The following OR4D9 variants were observed in gnomAD, a reference collection of about 807,000 sequenced individuals.
The protein encoded by OR4D9 is olfactory receptor 4D9.
OR4D9 carries 2 observed loss-of-function variants against 0.8 expected under a neutral mutation model. The observed-to-expected ratio is 2.58, with a 90% CI of 1.06 to 8.13. OR4D9 has a LOEUF of 8.13. Ranked by LOEUF, OR4D9 falls within the 30% of genes most tolerant of loss-of-function variation. The pLI, the probability that OR4D9 is intolerant of heterozygous loss-of-function variation, is 0.04. For missense variants in OR4D9, 399 were observed against 384.7 expected, an observed-to-expected ratio of 1.04 and a Z score of -0.31; for synonymous variants, 146 against 151.2, an observed-to-expected ratio of 0.97 and a Z score of 0.25.
At chr11:59,514,206 G>A (rs893488586) in intron 1 of OR4D9, among the ~76,000 whole-genome samples, 4 of 152,118 alleles carry the variant, frequency 2.6e-5, no homozygotes, top group African/African-American at 4.8e-5. Flanking sequence ...ATAGCAAAGT[G>A]GTTATACCAA....
chr11:59,514,834 G>T, intron 2 of OR4D9, 49 bp from the exon 3 acceptor site: 2 of 967,080 alleles, frequency 2.1e-6, no homozygotes, highest in Non-Finnish European at 3.2e-6. Flanking sequence ...GACAACACTA[G>T]ATTTTAGGAC....
rs116643910 is a variant in OR4D9, at chr11:59,515,135, T to G, written c.223T>G (p.Ser75Ala). ...GTCTATTCTTGACATCTGCTTTTCCTCCATCACAGCTCCTAAGGTCCTGAT... is the reference window on the plus strand; with the variant it reads ...GTCTATTCTTGACATCTGCTTTTCCGCCATCACAGCTCCTAAGGTCCTGAT... Reference protein sequence around the residue: ...NLSILDICFSSITAPKVLIDL... With the variant: ...NLSILDICFSAITAPKVLIDL... The change falls in exon 3 of 3, where the codon TCC (serine) becomes GCC (alanine). Residue 75 changes from serine to alanine, a missense_variant. Coordinates refer to ENST00000641962, the MANE Select transcript of OR4D9 (RefSeq NM_001004711.2). 2.8e-3 allele frequency: 4,576 copies of G among 1,614,116 alleles called. 106 individuals are homozygous for G. In the African/African-American group the frequency reaches 0.052, roughly 18 times the overall value.
Position 59,514,772 on chromosome 11 carries a change from T to C in OR4D9, c.-31+6T>C. 2 of 619,760 alleles carry C rather than the reference T, an allele frequency of 3.2e-6. No individual in the cohort carries two copies. Among genetic ancestry groups the C allele is most frequent in the Non-Finnish European group, 5.7e-6 (2 of 353,716 alleles). The allele number at this position is 619,760 out of a possible 1,614,324, so 38.4% of individuals were successfully genotyped here. The stretch of plus-strand genomic sequence containing the variant: ...CATACTGACTTGCAGACACAGTGAG[T>C]GCATAGGGAAAAGAGCTTCCTCCTA... On this transcript the variant is annotated splice_donor_region_variant and intron_variant, in intron 2 of 2. Coordinates refer to ENST00000641962, the MANE Select transcript of OR4D9 (RefSeq NM_001004711.2).
rs1384341958 is a variant in OR4D9 at position 59,516,051 on chromosome 11, C to T, written c.*194C>T. ...AGACAAAATCCACTCAAGTCTTTCC[C>T]TACTCACTTTCAATTATTCATTCCA... On this transcript the variant is annotated 3_prime_UTR_variant, in exon 3 of 3. Transcript: ENST00000641962. 1.3e-5 allele frequency: 7 copies of T among 543,296 alleles called. No individual in the cohort carries two copies. The highest frequency in any genetic ancestry group is 2.3e-5 in the Non-Finnish European group (7 of 309,956). 33.7% of individuals were successfully genotyped at this position (543,296 alleles called of 1,614,324 possible). A position where few individuals can be genotyped will look rare whatever the true frequency, so the allele number is the denominator to read the frequency against.
rs1192866867 is a variant in OR4D9, at chr11:59,519,323, C to G, written c.*3466C>G. The G allele has an allele frequency of 6.6e-6, 1 of 152,076 alleles. No individual in the cohort carries two copies. Among genetic ancestry groups the G allele is most frequent in the African/African-American group, 2.4e-5 (1 of 41,308 alleles). 9.4% of individuals were successfully genotyped at this position (152,076 alleles called of 1,614,324 possible). On this transcript the variant is annotated 3_prime_UTR_variant, in exon 3 of 3. Coordinates refer to ENST00000641962, the MANE Select transcript of OR4D9 (RefSeq NM_001004711.2). ...GAGCCATGAATGCCCCACCGTACTCCCACCTGGGCAAAAGAGTGAGACCCT... is the reference window on the plus strand; with the variant it reads ...GAGCCATGAATGCCCCACCGTACTCGCACCTGGGCAAAAGAGTGAGACCCT...
intron 1 of OR4D9, among the ~76,000 whole-genome samples, chr11:59,512,595 A>G (rs903215666): frequency 6.6e-6 from 1 of 151,614 alleles, no homozygotes; most frequent in African/African-American, 2.4e-5. Context: ...AGGTCCAGGC[A>G]GGTGGTTCAC....
At chr11:59,512,087 T>A (rs1590635812) in intron 1 of OR4D9, among the ~76,000 whole-genome samples, 1 of 152,212 alleles carries the variant, frequency 6.6e-6, no homozygotes, top group African/African-American at 2.4e-5. Context: ...AGGGATTCAA[T>A]CAAGAATAAG....
chr11:59,515,023 A>G lies in OR4D9; in HGVS notation c.111A>G (p.Thr37=), dbSNP rs142030077. The G allele has an allele frequency of 7.1e-4, 1,143 of 1,614,036 alleles. 6 individuals are homozygous for G. Among genetic ancestry groups the G allele is most frequent in the Non-Finnish European group, 4.0e-4 (472 of 1,179,950 alleles). ...CCTTCCTGTTTTTGGTGTACATGAC[A>G]ACTCTAATGGGAAACTTCCTCATCA... ...LFTFLFLVYM[T]TLMGNFLIMV... Residue 37 remains threonine (T), a synonymous_variant, in exon 3 of 3, where the codon ACA becomes ACG. Transcript: ENST00000641962.
chr11:59,515,934 C>T lies in OR4D9; in HGVS notation c.*77C>T. On this transcript the variant is annotated 3_prime_UTR_variant, in exon 3 of 3. Transcript: ENST00000641962. The stretch of plus-strand genomic sequence containing the variant: ...AAATGGGAAAGGAGCTTGTTCATGC[C>T]CAAAACAAAGAGATACCTATGGCCA... 1 of 1,103,510 alleles carries T rather than the reference C, an allele frequency of 9.1e-7. No individual in the cohort carries two copies. Among genetic ancestry groups the T allele is most frequent in the East Asian group, 2.5e-5 (1 of 39,272 alleles). The allele number at this position is 1,103,510 out of a possible 1,614,324, so 68.4% of individuals were successfully genotyped here.
At chr11:59,512,285 T>A (rs926159293) in intron 1 of OR4D9, among the ~76,000 whole-genome samples, 1 of 147,292 alleles carries the variant, frequency 6.8e-6, no homozygotes, top group African/African-American at 2.5e-5. Flanking sequence ...TTTGGGATGA[T>A]TTTTTTTCTT....
chr11:59,515,751 C>T lies in OR4D9; in HGVS notation c.839C>T (p.Pro280Leu). The T allele has an allele frequency of 1.9e-6, 3 of 1,614,146 alleles. No individual in the cohort carries two copies. The highest frequency in any genetic ancestry group is 2.5e-6 in the Non-Finnish European group (3 of 1,180,030). ...TCTGTCACCTTCACTGTCATCTCCC[C>T]TTTGCTCAATCCTATAATTTACACG... The part of the protein sequence containing the change: ...AISVTFTVIS[P>L]LLNPIIYTLR... Residue 280 changes from proline (P) to leucine (L), a missense_variant, in exon 3 of 3, where the codon CCT (proline) becomes CTT (leucine). Pro to Leu is a moderately conservative substitution (Grantham distance 98, BLOSUM62 -3). Coordinates refer to ENST00000641962, the MANE Select transcript of OR4D9 (RefSeq NM_001004711.2).
At position 59,518,199 on chromosome 11, in the gene OR4D9, C is replaced by G. The variant is rs1859429142; in HGVS notation, c.*2342C>G. ...TCTATTGACTTCACCATACTGTGTT[C>G]CCCACTATGATAAAGCTCAAGCCAT... On this transcript the variant is annotated 3_prime_UTR_variant, in exon 3 of 3. Coordinates refer to ENST00000641962, the MANE Select transcript of OR4D9 (RefSeq NM_001004711.2). 1 of 152,230 alleles carries G rather than the reference C, an allele frequency of 6.6e-6. No individual in the cohort carries two copies. Among genetic ancestry groups the G allele is most frequent in the Non-Finnish European group, 1.5e-5 (1 of 68,050 alleles). 9.4% of individuals were successfully genotyped at this position (152,230 alleles called of 1,614,324 possible).
Position 59,516,906 on chromosome 11 carries a change from A to C in OR4D9, c.*1049A>C, listed in dbSNP as rs920091904. 1.3e-5 allele frequency: 2 copies of C among 152,186 alleles called. No homozygotes were observed. Among genetic ancestry groups the C allele is most frequent in the African/African-American group, 4.8e-5 (2 of 41,422 alleles). 9.4% of individuals were successfully genotyped at this position (152,186 alleles called of 1,614,324 possible). On this transcript the variant is annotated 3_prime_UTR_variant, in exon 3 of 3. Coordinates refer to ENST00000641962, the MANE Select transcript of OR4D9 (RefSeq NM_001004711.2). ...TGGTGAAAGCCCATCTCTACTAAAAATACAAAAACAAAATTAGCCAGGCTT... is the reference window on the plus strand; with the variant it reads ...TGGTGAAAGCCCATCTCTACTAAAACTACAAAAACAAAATTAGCCAGGCTT...
At position 59,519,397 on chromosome 11, in the gene OR4D9, C is replaced by G. The variant is rs1859446808; in HGVS notation, c.*3540C>G. On this transcript the variant is annotated 3_prime_UTR_variant, in exon 3 of 3. Coordinates refer to ENST00000641962, the MANE Select transcript of OR4D9 (RefSeq NM_001004711.2). ...AGTTTGCTGGAAAGGCAACTAGACCCTTAGAACACACAGAGAGCCAAACCG... is the reference window on the plus strand; with the variant it reads ...AGTTTGCTGGAAAGGCAACTAGACCGTTAGAACACACAGAGAGCCAAACCG... 1 of 152,024 alleles carries G rather than the reference C, an allele frequency of 6.6e-6. No homozygotes were observed. The highest frequency in any genetic ancestry group is 1.5e-5 in the Non-Finnish European group (1 of 68,120). The allele number at this position is 152,024 out of a possible 1,614,324, so 9.4% of individuals were successfully genotyped here.
At position 59,515,487 on chromosome 11, in the gene OR4D9, C is replaced by T. The variant is rs113146895; in HGVS notation, c.575C>T (p.Thr192Ile). Residue 192 changes from threonine to isoleucine, a missense_variant, in exon 3 of 3, where the codon ACC becomes ATC. By Grantham distance (89) the Thr-to-Ile change is moderately conservative. Transcript: ENST00000641962. ...PQVLKLACTD[T>I]FTLELLMISN... ...GTCCTCAAACTTGCCTGCACTGACA[C>T]CTTCACTCTGGAGCTCCTGATGATT... The T allele has an allele frequency of 1.2e-6, 2 of 1,614,128 alleles. No homozygotes were observed. The highest frequency in any genetic ancestry group is 8.5e-7 in the Non-Finnish European group (1 of 1,180,010).
Position 59,515,644 on chromosome 11 carries a change from C to G in OR4D9, c.732C>G (p.Ile244Met), listed in dbSNP as rs1859395088. Residue 244 changes from isoleucine to methionine, a missense_variant, in exon 3 of 3, where the codon ATC becomes ATG. Ile to Met is a conservative substitution (Grantham distance 10). Transcript: ENST00000641962. ...CCATCTCCACCTGCACCTCCCACAT[C>G]ACCGTGGTGACCCTGCATTTCGTGC... is the stretch of plus-strand genomic sequence containing the variant. ...RKAISTCTSH[I>M]TVVTLHFVPC... is the part of the protein sequence containing the mutation. 6.2e-7 allele frequency: 1 copy of G among 1,614,064 alleles called. No individual in the cohort carries two copies. The highest frequency in any genetic ancestry group is 1.3e-5 in the African/African-American group (1 of 74,908).
At position 59,515,246 on chromosome 11, in the gene OR4D9, G is replaced by T. The variant is rs201267082; in HGVS notation, c.334G>T (p.Val112Phe). The change falls in exon 3 of 3, where the codon GTT (valine) becomes TTT (phenylalanine). Residue 112 changes from valine to phenylalanine, a missense_variant. Val to Phe is a conservative substitution (Grantham distance 50). Coordinates refer to ENST00000641962, the MANE Select transcript of OR4D9 (RefSeq NM_001004711.2). ...FFFHLLGGAD[V>F]FSLSVMAFDR... ...CTTCCACCTTCTGGGGGGAGCAGACGTTTTTTCTCTCTCTGTGATGGCGTT... is the reference window on the plus strand; with the variant it reads ...CTTCCACCTTCTGGGGGGAGCAGACTTTTTTTCTCTCTCTGTGATGGCGTT... 2 of 1,613,332 alleles carry T rather than the reference G, an allele frequency of 1.2e-6. No homozygotes were observed. The highest frequency in any genetic ancestry group is 1.7e-5 in the Admixed American group (1 of 59,828).
intron 1 of OR4D9, among the ~76,000 whole-genome samples, chr11:59,513,956 G>A (rs1859365712): frequency 6.6e-6 from 1 of 152,134 alleles, no homozygotes; most frequent in Admixed American, 6.5e-5. Context: ...GGGCGACAGA[G>A]TGAGACCCTG....
chr11:59,514,971 C>T lies in OR4D9; in HGVS notation c.59C>T (p.Ser20Phe), dbSNP rs752323200. The T allele has an allele frequency of 5.6e-6, 9 of 1,613,742 alleles. No homozygotes were observed. The Admixed American group carries it at 1.2e-4, about 21-fold the overall frequency. ...TTTACCTTCCTGGGAATTACTCAGTCCCGAGAACTGAGCCAGGTCTTATTT... is the reference window on the plus strand; with the variant it reads ...TTTACCTTCCTGGGAATTACTCAGTTCCGAGAACTGAGCCAGGTCTTATTT... ...KEFTFLGITQ[S>F]RELSQVLFTF... The change falls in exon 3 of 3, where the codon TCC (serine) becomes TTC (phenylalanine). Residue 20 changes from serine (S) to phenylalanine (F), a missense_variant. Ser to Phe is a radical substitution (Grantham distance 155, BLOSUM62 -2). Transcript: ENST00000641962.
Sources: gnomAD v4.1 joint callset for allele counts (sites outside exome capture counted in the v4.1 genomes callset) on GRCh38, gnomAD v4.1.1 for gene constraint, MANE v1.5 for transcripts, NCBI Gene and HGNC (gene_info 2026-07-23, HGNC 2026-07-21) for gene names.